Variants in ATRNL1 observed in about 807,000 individuals in gnomAD.
ATRNL1 encodes the protein attractin-like protein 1.
A neutral mutation model predicts 182.7 loss-of-function variants in ATRNL1; 95 were observed. The observed-to-expected ratio is 0.52, with a 90% CI of 0.44 to 0.62. ATRNL1 has a LOEUF of 0.62. Among genes scored for constraint, ATRNL1 ranks in the 20% least tolerant of loss-of-function variants. ATRNL1 has a pLI of 0.00. For missense variants in ATRNL1, 1,471 were observed against 1,679.5 expected (o/e 0.88, Z 2.17); for synonymous variants, 576 against 568.3 (o/e 1.01, Z -0.19).
rs139651443 is a variant in ATRNL1 at position 115,563,140 on chromosome 10, A to G, written c.3795+13604A>G. Among the ~76,000 whole-genome samples, 603 of 152,290 alleles carry G rather than the reference A, an allele frequency of 4.0e-3. 2 individuals carry two copies. The highest frequency in any genetic ancestry group is 0.012 in the African/African-American group (518 of 41,552). ...GCCTCATGGTTCCACAGGCTGTACA[A>G]GAAGCATGGGACCAGTATCTGCTTC... On this transcript the variant is annotated intron_variant, in intron 26 of 28. Transcript: ENST00000355044.
intron 27 of ATRNL1, among the ~76,000 whole-genome samples, chr10:115,785,551 C>A (rs1949376047): frequency 6.6e-6 from 1 of 152,234 alleles, no homozygotes; most frequent in South Asian, 2.1e-4. Flanking sequence ...CTCCACAGAT[C>A]TTTTCTAGAT....
chr10:115,596,492 A>T (rs1372476809), intron 26 of ATRNL1, among the ~76,000 whole-genome samples: 1 of 152,258 alleles, frequency 6.6e-6, no homozygotes, highest in African/African-American at 2.4e-5. Flanking sequence ...TATGGTAAAC[A>T]CAATGACATT....
chr10:115,130,607 C>T (rs766573940), intron 5 of ATRNL1, among the ~76,000 whole-genome samples: 1 of 152,038 alleles, frequency 6.6e-6, no homozygotes, highest in Non-Finnish European at 1.5e-5. Flanking sequence ...GCAATTATGT[C>T]AGATGCAAAT....
intron 26 of ATRNL1, among the ~76,000 whole-genome samples, chr10:115,641,426 T>A (rs147634449): frequency 1.2e-3 from 177 of 152,306 alleles, no homozygotes; most frequent in African/African-American, 4.1e-3. Flanking sequence ...AAGTCACACA[T>A]TGCCCTAGTT....
At chr10:115,653,692 G>C (rs549767746) in intron 26 of ATRNL1, among the ~76,000 whole-genome samples, 1 of 152,202 alleles carries the variant, frequency 6.6e-6, no homozygotes, top group African/African-American at 2.4e-5. Context: ...CCTCTGTGAT[G>C]GTCATGCTGT....
At chr10:115,296,261 G>A (rs536183574) in intron 15 of ATRNL1, among the ~76,000 whole-genome samples, 2 of 152,162 alleles carry the variant, frequency 1.3e-5, no homozygotes, top group South Asian at 4.2e-4. Context: ...CTGCCTTTCT[G>A]GACTTCCATT....
chr10:115,279,201 CA>C (rs1156356544), intron 13 of ATRNL1, among the ~76,000 whole-genome samples: 3,974 of 109,332 alleles, frequency 0.036, 88 homozygotes, highest in African/African-American at 0.079. Flanking sequence ...GACTCTGTCT[CA>C]AAAAAAAAAA....
At chr10:115,567,259 T>C (rs1457566098) in intron 26 of ATRNL1, among the ~76,000 whole-genome samples, 6 of 152,184 alleles carry the variant, frequency 3.9e-5, no homozygotes, top group Non-Finnish European at 5.9e-5. Context: ...GTGACGTTAA[T>C]ATTTTACAAA....
At chr10:115,746,846 G>T (rs1948306523) in intron 27 of ATRNL1, among the ~76,000 whole-genome samples, 1 of 152,068 alleles carries the variant, frequency 6.6e-6, no homozygotes, top group Non-Finnish European at 1.5e-5. Context: ...AACCATGTTA[G>T]GGGTCACCTA....
At chr10:115,351,357 A>G (rs185165775) in intron 19 of ATRNL1, among the ~76,000 whole-genome samples, 2 of 152,200 alleles carry the variant, frequency 1.3e-5, no homozygotes, top group East Asian at 3.9e-4. Flanking sequence ...GTGTTTCCCT[A>G]GTCAGTATGA....
chr10:115,499,675 T>C (rs1358842366), intron 24 of ATRNL1, among the ~76,000 whole-genome samples: 1 of 152,200 alleles, frequency 6.6e-6, no homozygotes, highest in Non-Finnish European at 1.5e-5. Context: ...TTCTAGGTTA[T>C]AGGCAGATAA....
At chr10:115,172,281 C>T (rs1847324251) in intron 8 of ATRNL1, among the ~76,000 whole-genome samples, 1 of 151,910 alleles carries the variant, frequency 6.6e-6, no homozygotes, top group South Asian at 2.1e-4. Flanking sequence ...AATTCCTCCT[C>T]CTTTAAATTG....
At chr10:115,625,666 T>C (rs2133816630) in intron 26 of ATRNL1, among the ~76,000 whole-genome samples, 1 of 152,246 alleles carries the variant, frequency 6.6e-6, no homozygotes, top group East Asian at 1.9e-4. Flanking sequence ...GAAAGGAAAC[T>C]TCACACATTC....
chr10:115,940,798 T>G (rs2134622032), intron 28 of ATRNL1, among the ~76,000 whole-genome samples: 1 of 152,250 alleles, frequency 6.6e-6, no homozygotes, highest in African/African-American at 2.4e-5. Flanking sequence ...TAGGTTCTCT[T>G]GTAGGTTGAA....
intron 21 of ATRNL1, among the ~76,000 whole-genome samples, chr10:115,432,761 A>G (rs554417279): frequency 1.3e-5 from 2 of 152,248 alleles, no homozygotes; most frequent in African/African-American, 4.8e-5. Context: ...GAATTACTCA[A>G]TATATTTTTA....
chr10:115,452,507 G>C (rs1847327481), intron 21 of ATRNL1, among the ~76,000 whole-genome samples: 1 of 151,874 alleles, frequency 6.6e-6, no homozygotes. Flanking sequence ...ATTTATTGCA[G>C]TCTCCCTTTC....
At chr10:115,436,481 T>C (rs1846411031) in intron 21 of ATRNL1, among the ~76,000 whole-genome samples, 1 of 152,156 alleles carries the variant, frequency 6.6e-6, no homozygotes, top group Non-Finnish European at 1.5e-5. Flanking sequence ...TTCTATGATA[T>C]GATATCTAGC....
intron 27 of ATRNL1, among the ~76,000 whole-genome samples, chr10:115,841,767 C>T (rs1321884288): frequency 5.3e-5 from 8 of 151,966 alleles, no homozygotes; most frequent in Admixed American, 2.0e-4. Flanking sequence ...ATATGATTTT[C>T]GCTTCCATTT....
intron 26 of ATRNL1, among the ~76,000 whole-genome samples, chr10:115,628,259 T>G (rs1306205529): frequency 6.6e-6 from 1 of 152,190 alleles, no homozygotes; most frequent in East Asian, 1.9e-4. Flanking sequence ...TATTTTTGAT[T>G]TTTAAAATTA....
Sources: gnomAD v4.1 joint callset for allele counts (sites outside exome capture counted in the v4.1 genomes callset) on GRCh38, gnomAD v4.1.1 for gene constraint, MANE v1.5 for transcripts, NCBI Gene and HGNC (gene_info 2026-07-23, HGNC 2026-07-21) for gene names.